Variants in NCK2 observed in about 807,000 individuals in gnomAD.
NCK2 encodes NCK adaptor protein 2.
A neutral mutation model predicts 33.9 loss-of-function variants in NCK2; 16 were observed. The observed-to-expected ratio is 0.47, with a 90% confidence interval of 0.32 to 0.72. The LOEUF is 0.72. Ranked by LOEUF, NCK2 falls within the 30% of genes least tolerant of loss-of-function variation. The probability of loss-of-function intolerance (pLI) is 0.03; values close to 1 mark genes in which losing one functional copy is unlikely to be tolerated. For missense variants in NCK2, 418 were observed against 537.3 expected (o/e 0.78, Z 2.19); for synonymous variants, 273 against 239.9 (o/e 1.14, Z -1.27).
chr2:105,893,278 TC>T lies in NCK2; in HGVS notation c.*103del. The T allele has an allele frequency of 8.9e-7, 1 of 1,124,522 alleles. No homozygotes were observed. Among genetic ancestry groups the T allele is most frequent in the Non-Finnish European group, 1.2e-6 (1 of 808,876 alleles). 69.7% of individuals were successfully genotyped at this position (1,124,522 alleles called of 1,614,324 possible). A position where few individuals can be genotyped will look rare whatever the true frequency, so the allele number is the denominator to read the frequency against. ...CCGCGGGGACGGCCCCGACGGCTTCTCTGCGAGTCTCTCTTTATGTTCAGGT... is the reference window on the plus strand; with the variant it reads ...CCGCGGGGACGGCCCCGACGGCTTCTTGCGAGTCTCTCTTTATGTTCAGGT... On this transcript the variant is annotated 3_prime_UTR_variant, in exon 5 of 5. Transcript: ENST00000233154.
At chr2:105,750,607 A>G (rs1689426992) in intron 1 of NCK2, among the ~76,000 whole-genome samples, 1 of 152,206 alleles carries the variant, frequency 6.6e-6, no homozygotes, top group Non-Finnish European at 1.5e-5. Context: ...TATTGGTTGT[A>G]GCACCCCATA....
intron 1 of NCK2, among the ~76,000 whole-genome samples, chr2:105,812,642 T>C (rs1334917098): frequency 6.6e-6 from 1 of 152,176 alleles, no homozygotes; most frequent in African/African-American, 2.4e-5. Flanking sequence ...AATCCATGCT[T>C]TTTTGTTTTT....
intron 1 of NCK2, among the ~76,000 whole-genome samples, chr2:105,807,749 C>CTTT (rs1675114671): frequency 1.0e-5 from 1 of 100,342 alleles, no homozygotes; most frequent in Non-Finnish European, 2.1e-5. Context: ...TTCCTTCCTT[C>CTTT]CCTCCCTCCC....
intron 1 of NCK2, among the ~76,000 whole-genome samples, chr2:105,798,515 A>G (rs7605092): frequency 0.021 from 3,138 of 152,322 alleles, 107 homozygotes; most frequent in African/African-American, 0.071. Flanking sequence ...GAGAAGAAAT[A>G]AGGGTTAAAA....
intron 3 of NCK2, among the ~76,000 whole-genome samples, chr2:105,857,424 AT>A (rs1031619908): frequency 2.1e-4 from 32 of 152,322 alleles, no homozygotes; most frequent in African/African-American, 6.5e-4. Flanking sequence ...GCGAAAACAG[AT>A]TGTTAGAAAG....
intron 1 of NCK2, among the ~76,000 whole-genome samples, chr2:105,781,696 A>G (rs1356156443): frequency 6.6e-6 from 1 of 152,242 alleles, no homozygotes; most frequent in Non-Finnish European, 1.5e-5. Context: ...ATGCATGAAA[A>G]GTACAGAGCC....
At position 105,893,502 on chromosome 2, in the gene NCK2, G is replaced by A. The variant is rs770903590; in HGVS notation, c.*326G>A. ...AAAAAGACGCAGGGCACCTGTGAGC[G>A]CAGGAGCGAGCCTAAGGCCACCCAG... On this transcript the variant is annotated 3_prime_UTR_variant, in exon 5 of 5. Transcript: ENST00000233154. 33 of 289,560 alleles carry A rather than the reference G, an allele frequency of 1.1e-4. No homozygotes were observed. The highest frequency in any genetic ancestry group is 1.9e-4 in the Non-Finnish European group (28 of 146,588). The allele number at this position is 289,560 out of a possible 1,614,324, so 17.9% of individuals were successfully genotyped here.
chr2:105,745,198 T>C (rs1316824838), intron 1 of NCK2, 60 bp downstream of exon 1: 2 of 148,190 alleles, frequency 1.3e-5, no homozygotes, highest in East Asian at 4.1e-4. Context: ...TTGGGCGGAG[T>C]TGGGAGCGCG....
At chr2:105,817,664 A>G (rs1196256495) in intron 2 of NCK2, among the ~76,000 whole-genome samples, 1 of 152,212 alleles carries the variant, frequency 6.6e-6, no homozygotes, top group East Asian at 1.9e-4. Context: ...TGCAGCCAAA[A>G]GGCACATGAA....
At chr2:105,875,263 C>G (rs1289198837) in intron 3 of NCK2, among the ~76,000 whole-genome samples, 1 of 152,230 alleles carries the variant, frequency 6.6e-6, no homozygotes, top group Non-Finnish European at 1.5e-5. Flanking sequence ...GCCTCTGTCA[C>G]TCGTCTCATC....
rs1039711020 is a variant in NCK2, at chr2:105,827,278, C to T, written c.-17+10665C>T. On this transcript the variant is annotated intron_variant, in intron 2 of 4. Coordinates refer to ENST00000233154, the MANE Select transcript of NCK2 (RefSeq NM_003581.5). ...CCTCCCAAAGTGCTGGGTTTACAGGCGTGAGCCACCGCGCCTGGCTGACAT... is the reference window on the plus strand; with the variant it reads ...CCTCCCAAAGTGCTGGGTTTACAGGTGTGAGCCACCGCGCCTGGCTGACAT... Among the ~76,000 whole-genome samples, 25 of 152,158 alleles carry T rather than the reference C, an allele frequency of 1.6e-4. 1 individual carries two copies. The highest frequency in any genetic ancestry group is 6.0e-4 in the African/African-American group (25 of 41,436).
At chr2:105,792,974 C>T (rs577938992) in intron 1 of NCK2, among the ~76,000 whole-genome samples, 1 of 152,316 alleles carries the variant, frequency 6.6e-6, no homozygotes, top group East Asian at 1.9e-4. Flanking sequence ...TTCCCTTTCT[C>T]ACCAACCGAG....
intron 3 of NCK2, among the ~76,000 whole-genome samples, chr2:105,862,568 C>G (rs543674737): frequency 1.3e-5 from 2 of 152,286 alleles, no homozygotes; most frequent in South Asian, 2.1e-4. Flanking sequence ...TGGGGGGACT[C>G]TGTCCCAGAG....
intron 1 of NCK2, among the ~76,000 whole-genome samples, chr2:105,769,306 G>A (rs952399989): frequency 5.7e-5 from 8 of 140,366 alleles, no homozygotes; most frequent in African/African-American, 8.1e-5. Context: ...AGCTGGCTGC[G>A]CCCTATTTAA....
At chr2:105,860,859 TGTG>T (rs1677500563) in intron 3 of NCK2, among the ~76,000 whole-genome samples, 1 of 147,560 alleles carries the variant, frequency 6.8e-6, no homozygotes, top group Non-Finnish European at 1.5e-5. Context: ...GACTGCAACT[TGTG>T]GGGCACACGA....
intron 2 of NCK2, among the ~76,000 whole-genome samples, chr2:105,819,054 G>A (rs931698917): frequency 7.2e-5 from 11 of 152,106 alleles, no homozygotes; most frequent in African/African-American, 2.2e-4. Context: ...ATGCCATATT[G>A]TCCCGTTGAT....
chr2:105,892,940 C>T (rs765278508), intron 4 of NCK2, 42 bp from the exon 5 acceptor site: 2 of 1,543,756 alleles, frequency 1.3e-6, no homozygotes, highest in East Asian at 2.3e-5. Flanking sequence ...ACACAGCTCC[C>T]CGCTGTGGCC....
At chr2:105,808,468 C>T (rs753855310) in intron 1 of NCK2, among the ~76,000 whole-genome samples, 31 of 152,238 alleles carry the variant, frequency 2.0e-4, no homozygotes, top group Admixed American at 7.8e-4. Context: ...ACGGATTAAT[C>T]GGGTGGTTCT....
chr2:105,881,977 G>C lies in NCK2; in HGVS notation c.876G>C (p.Arg292=). 3 of 1,521,228 alleles carry C rather than the reference G, an allele frequency of 2.0e-6. No homozygotes were observed. The highest frequency in any genetic ancestry group is 2.6e-6 in the Non-Finnish European group (3 of 1,135,466). 94.2% of individuals were successfully genotyped at this position (1,521,228 alleles called of 1,614,324 possible). The change falls in exon 4 of 5, where the codon CGG becomes CGC. Residue 292 remains arginine, a synonymous_variant. Coordinates refer to ENST00000233154, the MANE Select transcript of NCK2 (RefSeq NM_003581.5). ...GREWYYGNVT[R]HQAECALNER... is the part of the protein sequence containing the mutation. ...AGTGGTACTACGGGAACGTGACGCG[G>C]CACCAGGCCGAGTGCGCCCTCAACG...
Sources: gnomAD v4.1 joint callset for allele counts (sites outside exome capture counted in the v4.1 genomes callset) on GRCh38, gnomAD v4.1.1 for gene constraint, MANE v1.5 for transcripts, NCBI Gene and HGNC (gene_info 2026-07-23, HGNC 2026-07-21) for gene names.